The following CSMD1 variants were observed in gnomAD, a reference collection of about 807,000 sequenced individuals.
CSMD1 encodes CUB and Sushi multiple domains 1.
In CSMD1, 213 loss-of-function variants were observed where a neutral mutation model predicts 417.5. The observed-to-expected ratio is 0.51, with a 90% confidence interval of 0.46 to 0.57. The LOEUF is 0.57. Among genes scored for constraint, CSMD1 ranks in the 20% least tolerant of loss-of-function variants. The pLI is 0.00. For synonymous variants in CSMD1, 2,862 were observed against 1,736.8 expected, an observed-to-expected ratio of 1.65 and a Z score of -16.11; for missense variants, 6,923 against 4,529.7, an observed-to-expected ratio of 1.53 and a Z score of -15.17.
At chr8:4,280,999 A>G (rs1055642328) in intron 3 of CSMD1, among the ~76,000 whole-genome samples, 4 of 152,160 alleles carry the variant, frequency 2.6e-5, no homozygotes, top group African/African-American at 9.7e-5. Context: ...TGGTTTTTAA[A>G]TGTATTAAAA....
At position 4,615,516 on chromosome 8, in the gene CSMD1, G is replaced by C. The variant is rs185619226; in HGVS notation, c.302+21826C>G. Among the ~76,000 whole-genome samples, 3 of 152,278 alleles carry C rather than the reference G, an allele frequency of 2.0e-5. No homozygotes were observed. In the East Asian group the frequency reaches 5.8e-4, roughly 29 times the overall value. ...CAAATGTCCAAATTCTAATTTTAAA[G>C]TAGGAAAAATATTGCATATTTAGCA... On this transcript the variant is annotated intron_variant, in intron 2 of 69. Transcript: ENST00000635120.
At chr8:3,371,764 A>C (rs1239307130) in intron 18 of CSMD1, among the ~76,000 whole-genome samples, 1 of 152,234 alleles carries the variant, frequency 6.6e-6, no homozygotes, top group Non-Finnish European at 1.5e-5. Context: ...GGGAAGCATG[A>C]TATAAAAATC....
intron 5 of CSMD1, among the ~76,000 whole-genome samples, chr8:3,846,073 A>G (rs1000819305): frequency 1.4e-5 from 2 of 143,710 alleles, no homozygotes; most frequent in East Asian, 4.0e-4. Flanking sequence ...AAAAAAAAAT[A>G]ATAAGCAGCA....
chr8:4,929,843 T>C (rs1273789839), intron 1 of CSMD1, among the ~76,000 whole-genome samples: 1 of 152,152 alleles, frequency 6.6e-6, no homozygotes, highest in Non-Finnish European at 1.5e-5. Context: ...ACATCCCCAT[T>C]GGCAAATTTA....
At chr8:3,621,586 T>C (rs1419374695) in intron 7 of CSMD1, among the ~76,000 whole-genome samples, 1 of 152,050 alleles carries the variant, frequency 6.6e-6, no homozygotes, top group East Asian at 1.9e-4. Flanking sequence ...TTTACTTTTC[T>C]TTTCTTACTT....
At chr8:3,009,164 G>A (rs966741461) in intron 52 of CSMD1, among the ~76,000 whole-genome samples, 1 of 152,142 alleles carries the variant, frequency 6.6e-6, no homozygotes, top group African/African-American at 2.4e-5. Context: ...CTCTCACCAG[G>A]TCTCCCACAC....
intron 10 of CSMD1, among the ~76,000 whole-genome samples, chr8:3,569,822 G>C (rs1799871867): frequency 6.6e-6 from 1 of 152,064 alleles, no homozygotes; most frequent in African/African-American, 2.4e-5. Flanking sequence ...GTGTCTAAGT[G>C]GTGCTTTGCT....
intron 7 of CSMD1, among the ~76,000 whole-genome samples, chr8:3,653,153 G>C (rs777253292): frequency 9.9e-5 from 15 of 151,614 alleles, no homozygotes; most frequent in Non-Finnish European, 1.8e-4. Context: ...ATTTTTTCAA[G>C]TTGCATATAT....
At chr8:3,876,503 G>C (rs1023507068) in intron 5 of CSMD1, among the ~76,000 whole-genome samples, 1 of 152,294 alleles carries the variant, frequency 6.6e-6, no homozygotes. Flanking sequence ...AAGTGTGTAA[G>C]TGTGGATGTA....
At chr8:3,926,116 C>CACACACACACACCAT (rs1809704665) in intron 5 of CSMD1, among the ~76,000 whole-genome samples, 1 of 106,912 alleles carries the variant, frequency 9.4e-6, no homozygotes, top group African/African-American at 4.3e-5. Context: ...CACACACACA[C>CACACACACACACCAT]ACACACACAC....
At chr8:4,789,305 A>G (rs1011509479) in intron 1 of CSMD1, among the ~76,000 whole-genome samples, 5 of 152,196 alleles carry the variant, frequency 3.3e-5, no homozygotes, top group African/African-American at 1.2e-4. Flanking sequence ...CATGCACAAC[A>G]CCATCTGTGG....
intron 7 of CSMD1, among the ~76,000 whole-genome samples, chr8:3,692,796 G>C (rs1475485600): frequency 6.6e-6 from 1 of 152,088 alleles, no homozygotes; most frequent in Non-Finnish European, 1.5e-5. Flanking sequence ...GCTATTCTGA[G>C]ACCTCTGGAC....
intron 27 of CSMD1, among the ~76,000 whole-genome samples, chr8:3,225,671 G>C (rs1333506608): frequency 6.6e-6 from 1 of 152,140 alleles, no homozygotes; most frequent in Admixed American, 6.5e-5. Context: ...TTCAAATATT[G>C]ATTTAAAAGA....
chr8:4,272,311 G>A (rs1207388482), intron 3 of CSMD1, among the ~76,000 whole-genome samples: 2 of 152,108 alleles, frequency 1.3e-5, no homozygotes, highest in African/African-American at 2.4e-5. Flanking sequence ...CCTTGCCAAT[G>A]TCATAACAAA....
intron 36 of CSMD1, among the ~76,000 whole-genome samples, chr8:3,181,525 A>AT (rs1412110965): frequency 2.0e-5 from 3 of 152,006 alleles, no homozygotes; most frequent in African/African-American, 4.8e-5. Flanking sequence ...TCTTAAATTT[A>AT]TTTTTTTACT....
chr8:3,072,550 G>A (rs1053888580), intron 49 of CSMD1, among the ~76,000 whole-genome samples: 4 of 152,152 alleles, frequency 2.6e-5, no homozygotes, highest in African/African-American at 4.8e-5. Context: ...ACAGTTCTTG[G>A]CGTAGGTGTT....
At chr8:4,625,732 A>T (rs1802061511) in intron 2 of CSMD1, among the ~76,000 whole-genome samples, 1 of 152,094 alleles carries the variant, frequency 6.6e-6, no homozygotes, top group Non-Finnish European at 1.5e-5. Context: ...CTTGGTGTAT[A>T]TATATATTTG....
intron 6 of CSMD1, among the ~76,000 whole-genome samples, chr8:3,719,657 T>C (rs773479098): frequency 6.6e-6 from 1 of 152,156 alleles, no homozygotes; most frequent in Non-Finnish European, 1.5e-5. Flanking sequence ...GGCGGTCAGA[T>C]GAGCTTGGGG....
At chr8:4,456,727 T>A (rs1799510671) in intron 2 of CSMD1, among the ~76,000 whole-genome samples, 1 of 152,120 alleles carries the variant, frequency 6.6e-6, no homozygotes, top group South Asian at 2.1e-4. Context: ...CCCTGCTGCA[T>A]CAGTCCTTAC....
Sources: allele counts gnomAD v4.1 joint callset (sites outside exome capture counted in the v4.1 genomes callset), GRCh38; gene constraint gnomAD v4.1.1; transcripts MANE v1.5; gene names NCBI Gene and HGNC (gene_info 2026-07-23, HGNC 2026-07-21).